KRTAP9-1: variants seen among roughly 807,000 people sequenced by gnomAD.
KRTAP9-1 encodes the protein keratin associated protein 9-1, also known as keratin-associated protein 9-1.
KRTAP9-1 carries 13 observed loss-of-function variants against 18.4 expected under a neutral mutation model. That is an observed-to-expected ratio of 0.71 (90% CI 0.46 to 1.12). The LOEUF (loss-of-function observed/expected upper bound fraction) is 1.12. Ranked by LOEUF, KRTAP9-1 falls within the 50% of genes most tolerant of loss-of-function variation. The pLI is 0.00. For missense variants in KRTAP9-1, 310 were observed against 310.6 expected, an observed-to-expected ratio of 1.00 and a Z score of 0.01; for synonymous variants, 122 against 108.8, an observed-to-expected ratio of 1.12 and a Z score of -0.75.
At position 41,190,080 on chromosome 17, in the gene KRTAP9-1, CCTGCTGCCAGCCCACTTGTGTGGCCAG is replaced by C. The variant is rs2015329855; in HGVS notation, c.207_233del (p.Thr70_Pro78del). 2 of 1,612,958 alleles carry C rather than the reference CCTGCTGCCAGCCCACTTGTGTGGCCAG, an allele frequency of 1.2e-6. No individual in the cohort carries two copies. The highest frequency in any genetic ancestry group is 2.7e-5 in the African/African-American group (2 of 74,686). ...TGTCAAAACACCTGCTGCAGGACCACCTGCTGCCAGCCCACTTGTGTGGCCAGCTGCTGCCAGCCTTCCTGCTGCAGC... is the reference window on the plus strand; with the variant it reads ...TGTCAAAACACCTGCTGCAGGACCACCTGCTGCCAGCCTTCCTGCTGCAGC... On this transcript the variant is annotated inframe_deletion, in exon 1 of 1. Transcript: ENST00000398470.
Position 41,190,015 on chromosome 17 carries a change from T to A in KRTAP9-1, c.72T>A (p.Cys24Ter), listed in dbSNP as rs574236199. 3.1e-6 allele frequency: 5 copies of A among 1,613,680 alleles called. No homozygotes were observed. In the African/African-American group the frequency reaches 6.7e-5, roughly 22 times the overall value. ...CACCCTGTTGCCAGCCCTCCTGCTG[T>A]GTGCCCAGCTGCTGCCAGCCTTGCT... The change falls in exon 2 of 3, where the codon TGT becomes TGA. Residue 24 changes from cysteine to a stop codon, truncating the protein, a stop_gained. Transcript: ENST00000634358. LOFTEE classifies it high-confidence loss of function.
chr17:41,190,001 C>T, intron 1 of KRTAP9-1: 1 of 1,613,646 alleles, frequency 6.2e-7, no homozygotes, highest in Non-Finnish European at 8.5e-7. Flanking sequence ...ACCCTGTTGC[C>T]AGCCCTCCTG....
Position 41,190,297 on chromosome 17 carries a change from C to T in KRTAP9-1, c.411C>T (p.Thr137=). ...ICFRTTCCQP[T]CCQPTCCRNT... is the part of the protein sequence containing the mutation. ...TCAGGACCACCTGCTGCCAGCCTAC[C>T]TGCTGCCAGCCCACCTGCTGCAGGA... The change falls in exon 1 of 1, where the codon ACC becomes ACT. Residue 137 remains threonine, a synonymous_variant. Transcript: ENST00000398470. 1.4e-6 allele frequency: 2 copies of T among 1,410,336 alleles called. No homozygotes were observed. The highest frequency in any genetic ancestry group is 1.9e-6 in the Non-Finnish European group (2 of 1,049,402). 87.4% of individuals were successfully genotyped at this position (1,410,336 alleles called of 1,614,324 possible).
rs2015332048 is a variant in KRTAP9-1 at position 41,190,171 on chromosome 17, C to T, written c.285C>T (p.Cys95=). ...CCQPTCCGSS[C]CGQTSCGSSC... ...AGCCCACCTGCTGTGGGTCCAGCTGCTGTGGCCAAACCAGCTGTGGGTCCA... is the reference window on the plus strand; with the variant it reads ...AGCCCACCTGCTGTGGGTCCAGCTGTTGTGGCCAAACCAGCTGTGGGTCCA... The change falls in exon 1 of 1, where the codon TGC becomes TGT. Residue 95 remains cysteine (C), a synonymous_variant. Coordinates refer to ENST00000398470, the MANE Select transcript of KRTAP9-1 (RefSeq NM_001190460.1). The T allele has an allele frequency of 6.5e-7, 1 of 1,530,644 alleles. No individual in the cohort carries two copies. Among genetic ancestry groups the T allele is most frequent in the African/African-American group, 1.4e-5 (1 of 71,830 alleles). The allele number at this position is 1,530,644 out of a possible 1,614,324, so 94.8% of individuals were successfully genotyped here.
In KRTAP9-1 at chr17:41,189,988, C is replaced by G. The variant is rs1274391325; in HGVS notation, c.102C>G (p.Ser34Arg). 12 of 1,613,378 alleles carry G rather than the reference C, an allele frequency of 7.4e-6. No homozygotes were observed. Among genetic ancestry groups the G allele is most frequent in the Non-Finnish European group, 1.0e-5 (12 of 1,180,002 alleles). Residue 34 changes from serine (S) to arginine (R), a missense_variant, in exon 1 of 1, where the codon AGC becomes AGG. Transcript: ENST00000398470. Reference sequence around the variant, plus strand: ...CCACCACTGTGACCACCTGCAGCAGCACACCCTGTTGCCAGCCCTCCTGCT... The same window carrying G: ...CCACCACTGTGACCACCTGCAGCAGGACACCCTGTTGCCAGCCCTCCTGCT... ...WKPTTVTTCSSTPCCQPSCCV... is the reference protein window; with the variant it reads ...WKPTTVTTCSRTPCCQPSCCV...
chr17:41,190,504 T>C lies in KRTAP9-1; in HGVS notation c.618T>C (p.Asn206=). Residue 206 remains asparagine, a synonymous_variant, in exon 1 of 1, where the codon AAT becomes AAC. Coordinates refer to ENST00000398470, the MANE Select transcript of KRTAP9-1 (RefSeq NM_001190460.1). ...CCAGCTGCTGTAGCCAAACCTGCAA[T>C]GAGTCCAGCTATTGTCTGCCTTGCT... ...GGSSCCSQTC[N]ESSYCLPCCR... The C allele has an allele frequency of 1.2e-6, 2 of 1,605,830 alleles. No homozygotes were observed. Among genetic ancestry groups the C allele is most frequent in the Non-Finnish European group, 1.7e-6 (2 of 1,176,014 alleles).
chr17:41,190,161 G>A lies in KRTAP9-1; in HGVS notation c.275G>A (p.Gly92Glu), dbSNP rs2015331787. 6.4e-7 allele frequency: 1 copy of A among 1,555,710 alleles called. No individual in the cohort carries two copies. Among genetic ancestry groups the A allele is most frequent in the South Asian group, 1.2e-5 (1 of 81,070 alleles). Residue 92 changes from glycine to glutamate, a missense_variant, in exon 1 of 1, where the codon GGG (glycine) becomes GAG (glutamate). Gly to Glu is a moderately conservative substitution (Grantham distance 98). This residue lies in a region of KRTAP9-1 where 178 missense variants were observed against 190.2 expected (regional missense o/e 0.94). Coordinates refer to ENST00000398470, the MANE Select transcript of KRTAP9-1 (RefSeq NM_001190460.1). ...CCCTGCTGCCAGCCCACCTGCTGTG[G>A]GTCCAGCTGCTGTGGCCAAACCAGC... ...STPCCQPTCCGSSCCGQTSCG... is the reference protein window; with the variant it reads ...STPCCQPTCCESSCCGQTSCG...
In KRTAP9-1 at chr17:41,190,638, A is replaced by T. The variant is rs1352198447; in HGVS notation, c.752A>T (p.Ter251LeuextTer?). Residue 251 changes from the stop codon to leucine (L), a stop_lost, in exon 1 of 1, where the codon TAA (stop) becomes TTA (leucine). Transcript: ENST00000398470. ...VSSCCQPSCC[*>L] Reference sequence around the variant, plus strand: ...AGCTGCTGCCAGCCTTCCTGCTGCTAATCCACTTGCTGCAGACCCACCACC... The same window carrying T: ...AGCTGCTGCCAGCCTTCCTGCTGCTTATCCACTTGCTGCAGACCCACCACC... The T allele has an allele frequency of 3.8e-6, 6 of 1,587,116 alleles. No individual in the cohort carries two copies. In the South Asian group the frequency reaches 5.7e-5, roughly 15 times the overall value.
Position 41,190,479 on chromosome 17 carries a change from C to T in KRTAP9-1, c.593C>T (p.Ser198Phe). The change falls in exon 1 of 1, where the codon TCC (serine) becomes TTC (phenylalanine). Residue 198 changes from serine (S) to phenylalanine (F), a missense_variant. By Grantham distance (155) the Ser-to-Phe change is radical. Coordinates refer to ENST00000398470, the MANE Select transcript of KRTAP9-1 (RefSeq NM_001190460.1). The part of the protein sequence containing the change: ...TPCCQPTCGG[S>F]SCCSQTCNES... ...TGTTGCCAGCCAACCTGTGGTGGGT[C>T]CAGCTGCTGTAGCCAAACCTGCAAT... The T allele has an allele frequency of 6.2e-7, 1 of 1,602,714 alleles. No homozygotes were observed.
Position 41,190,207 on chromosome 17 carries a change from G to A in KRTAP9-1, c.321G>A (p.Gln107=), listed in dbSNP as rs542686684. Residue 107 remains glutamine, a synonymous_variant, in exon 1 of 1, where the codon CAG becomes CAA. Coordinates refer to ENST00000398470, the MANE Select transcript of KRTAP9-1 (RefSeq NM_001190460.1). The part of the protein sequence containing the change: ...GQTSCGSSCC[Q]PICGSSCCQP... ...CCAGCTGTGGGTCCAGCTGCTGTCA[G>A]CCTATTTGTGGGTCCAGTTGCTGTC... 6.6e-7 allele frequency: 1 copy of A among 1,521,906 alleles called. No individual in the cohort carries two copies. Among genetic ancestry groups the A allele is most frequent in the African/African-American group, 1.4e-5 (1 of 71,434 alleles). 94.3% of individuals were successfully genotyped at this position (1,521,906 alleles called of 1,614,324 possible).
Position 41,189,893 on chromosome 17 carries a change from C to G in KRTAP9-1, c.7C>G (p.His3Asp). Residue 3 changes from histidine (H) to aspartate (D), a missense_variant, in exon 1 of 1, where the codon CAC (histidine) becomes GAC (aspartate). Physicochemically the swap from His to Asp is moderately conservative, Grantham distance 81. This residue lies in a region of KRTAP9-1 where 178 missense variants were observed against 190.2 expected (regional missense o/e 0.94). Transcript: ENST00000398470. Reference protein sequence around the residue: MTHCCSPCCQPTC... With the variant: MTDCCSPCCQPTC... ...ACCCTTCACCCCTGACACCATGACC[C>G]ACTGCTGTTCCCCTTGCTGTCAGCC... 3.1e-6 allele frequency: 5 copies of G among 1,611,622 alleles called. No individual in the cohort carries two copies. The highest frequency in any genetic ancestry group is 4.2e-6 in the Non-Finnish European group (5 of 1,179,542).
chr17:41,190,450 A>G lies in KRTAP9-1; in HGVS notation c.564A>G (p.Thr188=), dbSNP rs1218214707. Residue 188 remains threonine (T), a synonymous_variant, in exon 1 of 1, where the codon ACA becomes ACG. Coordinates refer to ENST00000398470, the MANE Select transcript of KRTAP9-1 (RefSeq NM_001190460.1). ...CCTGTGTGACCAGATGCTGCAGCAC[A>G]CCCTGTTGCCAGCCAACCTGTGGTG... ...QPSCVTRCCS[T]PCCQPTCGGS... is the part of the protein sequence containing the mutation. 3.1e-6 allele frequency: 5 copies of G among 1,602,566 alleles called. No homozygotes were observed. Among genetic ancestry groups the G allele is most frequent in the Non-Finnish European group, 4.3e-6 (5 of 1,174,844 alleles).
At position 41,190,518 on chromosome 17, in the gene KRTAP9-1, G is replaced by T. The variant is rs751392750; in HGVS notation, c.632G>T (p.Cys211Phe). ...CAAACCTGCAATGAGTCCAGCTATT[G>T]TCTGCCTTGCTGCCGTCCCACCTGC... ...CSQTCNESSY[C>F]LPCCRPTCCQ... Residue 211 changes from cysteine (C) to phenylalanine (F), a missense_variant, in exon 1 of 1, where the codon TGT becomes TTT. Cys to Phe is a radical substitution (Grantham distance 205). Transcript: ENST00000398470. The T allele has an allele frequency of 6.2e-7, 1 of 1,608,226 alleles. No individual in the cohort carries two copies. Among genetic ancestry groups the T allele is most frequent in the Non-Finnish European group, 8.5e-7 (1 of 1,177,270 alleles).
rs777369981 is a variant in KRTAP9-1, at chr17:41,190,100, G to C, written c.214G>C (p.Val72Leu). ...GACCACCTGCTGCCAGCCCACTTGT[G>C]TGGCCAGCTGCTGCCAGCCTTCCTG... ...CRTTCCQPTC[V>L]ASCCQPSCCS... Residue 72 changes from valine to leucine, a missense_variant, in exon 1 of 1, where the codon GTG (valine) becomes CTG (leucine). Around this residue, in one of 3 missense-constraint regions of KRTAP9-1, gnomAD observed 178 missense variants for 190.2 expected, o/e 0.94. Transcript: ENST00000398470. 9 of 1,598,720 alleles carry C rather than the reference G, an allele frequency of 5.6e-6. No individual in the cohort carries two copies. The highest frequency in any genetic ancestry group is 6.8e-6 in the Non-Finnish European group (8 of 1,173,586).
chr17:41,190,501 C>A lies in KRTAP9-1; in HGVS notation c.228C>A (p.Cys76Ter). The stretch of plus-strand genomic sequence containing the variant: ...GGTCCAGCTGCTGTAGCCAAACCTG[C>A]AATGAGTCCAGCTATTGTCTGCCTT... The change falls in exon 3 of 3, where the codon TGC (cysteine) becomes TGA (stop). Residue 76 changes from cysteine to a stop codon, truncating the protein, a stop_gained. Transcript: ENST00000634358. LOFTEE classifies it high-confidence loss of function. 1 of 1,605,482 alleles carries A rather than the reference C, an allele frequency of 6.2e-7. No individual in the cohort carries two copies.
At position 41,190,638 on chromosome 17, in the gene KRTAP9-1, A is replaced by G; in HGVS notation, c.752A>G (p.Ter251=). 6.3e-7 allele frequency: 1 copy of G among 1,587,116 alleles called. No individual in the cohort carries two copies. Among genetic ancestry groups the G allele is most frequent in the Non-Finnish European group, 8.6e-7 (1 of 1,166,610 alleles). The change falls in exon 1 of 1, where the codon TAA becomes TGA. Residue 251 remains the stop codon, a stop_retained_variant. Coordinates refer to ENST00000398470, the MANE Select transcript of KRTAP9-1 (RefSeq NM_001190460.1). ...AGCTGCTGCCAGCCTTCCTGCTGCT[A>G]ATCCACTTGCTGCAGACCCACCACC... is the stretch of plus-strand genomic sequence containing the variant. ...VSSCCQPSCC[*]
Position 41,190,578 on chromosome 17 carries a change from G to T in KRTAP9-1, c.692G>T (p.Arg231Leu), listed in dbSNP as rs761048984. The T allele has an allele frequency of 2.5e-6, 4 of 1,609,126 alleles. No individual in the cohort carries two copies. In the South Asian group the frequency reaches 4.4e-5, roughly 18 times the overall value. The change falls in exon 1 of 1, where the codon CGC becomes CTC. Residue 231 changes from arginine (R) to leucine (L), a missense_variant. Physicochemically the swap from Arg to Leu is moderately radical, Grantham distance 102. Around this residue, in one of 3 missense-constraint regions of KRTAP9-1, gnomAD observed 130 missense variants for 103.4 expected, o/e 1.26. Coordinates refer to ENST00000398470, the MANE Select transcript of KRTAP9-1 (RefSeq NM_001190460.1). ...ACCTGCTACAGGACCACCTGTTGCC[G>T]CCCCAGCTGTTGCTGCAGTCCTTGC... ...QTTCYRTTCC[R>L]PSCCCSPCCV...
rs928103230 is a variant in KRTAP9-1, at chr17:41,189,951, C to T, written c.65C>T (p.Thr22Ile). ...TCCRTTCCRT[T>I]CWKPTTVTTC... ...TGCAGGACCACCTGCTGCAGGACAA[C>T]CTGCTGGAAGCCCACCACTGTGACC... The change falls in exon 1 of 1, where the codon ACC becomes ATC. Residue 22 changes from threonine to isoleucine, a missense_variant. By Grantham distance (89) the Thr-to-Ile change is moderately conservative. Around this residue, in one of 3 missense-constraint regions of KRTAP9-1, gnomAD observed 178 missense variants for 190.2 expected, o/e 0.94. Coordinates refer to ENST00000398470, the MANE Select transcript of KRTAP9-1 (RefSeq NM_001190460.1). The T allele has an allele frequency of 6.2e-7, 1 of 1,612,804 alleles. No homozygotes were observed. The highest frequency in any genetic ancestry group is 1.1e-5 in the South Asian group (1 of 91,034).
Position 41,190,265 on chromosome 17 carries a change from A to G in KRTAP9-1, c.379A>G (p.Ile127Val), listed in dbSNP as rs765346514. 1 of 1,280,506 alleles carries G rather than the reference A, an allele frequency of 7.8e-7. No homozygotes were observed. Among genetic ancestry groups the G allele is most frequent in the South Asian group, 1.5e-5 (1 of 65,034 alleles). The allele number at this position is 1,280,506 out of a possible 1,614,324, so 79.3% of individuals were successfully genotyped here. A position where few individuals can be genotyped will look rare whatever the true frequency, so the allele number is the denominator to read the frequency against. ...PCCHPTCYQT[I>V]CFRTTCCQPT... is the part of the protein sequence containing the mutation. ...CTGTCACCCGACTTGCTATCAAACT[A>G]TCTGCTTCAGGACCACCTGCTGCCA... The change falls in exon 1 of 1, where the codon ATC becomes GTC. Residue 127 changes from isoleucine (I) to valine (V), a missense_variant. By Grantham distance (29) the Ile-to-Val change is conservative. Around this residue, in one of 3 missense-constraint regions of KRTAP9-1, gnomAD observed 178 missense variants for 190.2 expected, o/e 0.94. Coordinates refer to ENST00000398470, the MANE Select transcript of KRTAP9-1 (RefSeq NM_001190460.1).
Sources: allele counts gnomAD v4.1 joint callset, GRCh38; gene constraint gnomAD v4.1.1; regional missense constraint gnomAD v4.1.1; transcripts MANE v1.5; gene names NCBI Gene and HGNC (gene_info 2026-07-23, HGNC 2026-07-21).